The following TRAK1 variants were observed in gnomAD, a reference collection of about 807,000 sequenced individuals.
TRAK1 encodes the protein trafficking kinesin protein 1, also known as trafficking kinesin-binding protein 1.
A neutral mutation model predicts 92.1 loss-of-function variants in TRAK1; 33 were observed. The ratio of observed to expected loss-of-function variants is 0.36; its 90% CI spans 0.27 to 0.48. The LOEUF is 0.48. Ranked by LOEUF, TRAK1 falls within the 20% of genes least tolerant of loss-of-function variation. The pLI, the probability that TRAK1 is intolerant of heterozygous loss-of-function variation, is 0.99. For synonymous variants in TRAK1, 521 were observed against 517.3 expected (o/e 1.01, Z -0.10); for missense variants, 1,123 against 1,257.9 (o/e 0.89, Z 1.62).
upstream of TRAK1, among the ~76,000 whole-genome samples, chr3:42,087,959 C>G (rs900803964): frequency 1.3e-5 from 2 of 152,166 alleles, no homozygotes; most frequent in Non-Finnish European, 2.9e-5. Flanking sequence ...AGTAGTAGAG[C>G]TATTGCTTTT....
intron 14 of TRAK1, chr3:42,218,993 T>C: frequency 1.0e-6 from 1 of 985,388 alleles, no homozygotes; most frequent in Non-Finnish European, 1.2e-6. Context: ...GGCCCCTTTT[T>C]GTGTAAGCAG....
At chr3:42,175,526 T>C (rs1054309553) in intron 2 of TRAK1, among the ~76,000 whole-genome samples, 3 of 152,126 alleles carry the variant, frequency 2.0e-5, no homozygotes, top group Admixed American at 1.3e-4. Flanking sequence ...AAGTGTTGGG[T>C]GGAGGGGTCT....
At chr3:42,092,464 C>T (rs760356070) in intron 1 of TRAK1, among the ~76,000 whole-genome samples, 8 of 152,152 alleles carry the variant, frequency 5.3e-5, no homozygotes, top group Non-Finnish European at 8.8e-5. Flanking sequence ...GTTGAAGCAG[C>T]GTGCACCCAG....
chr3:42,209,915 T>C lies in TRAK1; in HGVS notation c.1893T>C (p.Asp631=). ...EVYCLNDFEE[D]DTGDHISLPR... is the part of the protein sequence containing the mutation. ...ACTGCCTTAACGACTTTGAAGAAGA[T>C]GACACAGGTGACCACATTTCTCTCC... Residue 631 remains aspartate, a synonymous_variant, in exon 14 of 16, where the codon GAT becomes GAC. Transcript: ENST00000327628. The C allele has an allele frequency of 6.2e-7, 1 of 1,614,214 alleles. No homozygotes were observed. Among genetic ancestry groups the C allele is most frequent in the Non-Finnish European group, 8.5e-7 (1 of 1,180,040 alleles).
At chr3:42,063,598 A>AT (rs763071342) in intron 1 of TRAK1, among the ~76,000 whole-genome samples, 97 of 151,070 alleles carry the variant, frequency 6.4e-4, no homozygotes, top group Admixed American at 1.9e-3. Flanking sequence ...AGGTGGGATG[A>AT]TTGCTTGAGC....
chr3:42,208,062 G>A (rs1025886362), intron 13 of TRAK1, among the ~76,000 whole-genome samples: 6 of 152,128 alleles, frequency 3.9e-5, no homozygotes, highest in Non-Finnish European at 7.4e-5. Flanking sequence ...GGTACGGGGC[G>A]CAAAATTGTC....
At position 42,068,000 on chromosome 3, in the gene TRAK1, C is replaced by T. The variant is rs556348384; in HGVS notation, c.-518-19104C>T. Among the ~76,000 whole-genome samples, 5 of 152,016 alleles carry T rather than the reference C, an allele frequency of 3.3e-5. No homozygotes were observed. In the East Asian group the frequency reaches 5.8e-4, roughly 18 times the overall value. ...CAGCCTTGCCAACATGGTGAAACTC[C>T]GTCTCTACAGAAGTACAAAAATTAG... On this transcript the variant is annotated intron_variant, in intron 1 of 16. Transcript: ENST00000487159.
intron 1 of TRAK1, among the ~76,000 whole-genome samples, chr3:42,081,658 A>G (rs1368380905): frequency 1.3e-5 from 2 of 152,188 alleles, no homozygotes; most frequent in Non-Finnish European, 2.9e-5. Context: ...TATGTGGAGA[A>G]AGGATCCATA....
chr3:42,163,926 C>T (rs547398300), intron 2 of TRAK1, among the ~76,000 whole-genome samples: 5 of 152,284 alleles, frequency 3.3e-5, no homozygotes, highest in Admixed American at 2.0e-4. Context: ...GAAAGAAAAA[C>T]ACTTGCCAAC....
intron 2 of TRAK1, among the ~76,000 whole-genome samples, chr3:42,142,497 C>G (rs1478069621): frequency 2.6e-5 from 4 of 152,212 alleles, no homozygotes. Context: ...TGGGGCTGAT[C>G]CTGCTCCTAC....
intron 1 of TRAK1, among the ~76,000 whole-genome samples, chr3:42,054,866 AT>A (rs971562609): frequency 4.0e-5 from 5 of 124,534 alleles, no homozygotes; most frequent in South Asian, 2.7e-4. Flanking sequence ...GTAGACTTAA[AT>A]TTTTTTTTAA....
At chr3:42,099,242 A>AC (rs1383978720) in intron 1 of TRAK1, among the ~76,000 whole-genome samples, 1 of 151,960 alleles carries the variant, frequency 6.6e-6, no homozygotes, top group African/African-American at 2.4e-5. Context: ...GCCAACCTCT[A>AC]CCGGGGCGGA....
At chr3:42,026,613 C>T (rs1487825474) in intron 1 of TRAK1, among the ~76,000 whole-genome samples, 2 of 151,788 alleles carry the variant, frequency 1.3e-5, no homozygotes, top group Non-Finnish European at 2.9e-5. Context: ...CAACCTCTGC[C>T]TCCCAGGTTC....
At chr3:42,114,148 C>T (rs973408437) in intron 1 of TRAK1, among the ~76,000 whole-genome samples, 1 of 152,160 alleles carries the variant, frequency 6.6e-6, no homozygotes, top group South Asian at 2.1e-4. Context: ...CATGTTGCAG[C>T]GTATATCAGT....
chr3:42,193,082 C>A lies in TRAK1; in HGVS notation c.777C>A (p.Ala259=), dbSNP rs150238883. Residue 259 remains alanine (A), a synonymous_variant, in exon 8 of 16, where the codon GCC becomes GCA. Transcript: ENST00000327628. ...GTTGCTTCTTTGTCAAAGGGGATGC[C>A]AATGTCCAGATTGCTAGTATCTCAG... is the stretch of plus-strand genomic sequence containing the variant. The part of the protein sequence containing the change: ...VNDCVKELRD[A]NVQIASISEE... 8.1e-6 allele frequency: 13 copies of A among 1,613,840 alleles called. No individual in the cohort carries two copies. Among genetic ancestry groups the A allele is most frequent in the African/African-American group, 4.0e-5 (3 of 74,908 alleles).
chr3:42,055,740 G>C (rs1383499494), intron 1 of TRAK1, among the ~76,000 whole-genome samples: 1 of 152,180 alleles, frequency 6.6e-6, no homozygotes, highest in East Asian at 1.9e-4. Context: ...TGAGATTATA[G>C]ATGTGAGCCA....
At chr3:42,096,548 A>C (rs545408167) in intron 1 of TRAK1, among the ~76,000 whole-genome samples, 1 of 152,354 alleles carries the variant, frequency 6.6e-6, no homozygotes, top group Non-Finnish European at 1.5e-5. Context: ...GCCACCGCGC[A>C]TGGCCAAACA....
chr3:42,135,906 G>A (rs907291281), intron 2 of TRAK1, among the ~76,000 whole-genome samples: 4 of 152,092 alleles, frequency 2.6e-5, no homozygotes, highest in Admixed American at 1.3e-4. Context: ...GAAACTGAAC[G>A]TGTGCTTGCC....
intron 3 of TRAK1, among the ~76,000 whole-genome samples, chr3:42,177,783 C>G (rs190975619): frequency 1.3e-5 from 2 of 152,278 alleles, no homozygotes; most frequent in Non-Finnish European, 2.9e-5. Context: ...GTCTCTCTTC[C>G]CATGTCTCTA....
Sources: gnomAD v4.1 joint callset for allele counts (sites outside exome capture counted in the v4.1 genomes callset) on GRCh38, gnomAD v4.1.1 for gene constraint, MANE v1.5 for transcripts, NCBI Gene and HGNC (gene_info 2026-07-23, HGNC 2026-07-21) for gene names.